FAT4: variants seen among roughly 807,000 people sequenced by gnomAD.
FAT4 encodes the protein protocadherin Fat 4.
FAT4 carries 84 observed loss-of-function variants against 303.9 expected under a neutral mutation model. That is an observed-to-expected ratio of 0.28 (90% CI 0.23 to 0.33). FAT4 has a LOEUF of 0.33. FAT4 is among the 10% of genes least tolerant of loss of function. The pLI is 1.00. For missense variants in FAT4, 6,005 were observed against 6,146.8 expected (o/e 0.98, Z 0.77); for synonymous variants, 2,307 against 2,298.8 (o/e 1.00, Z -0.10).
chr4:125,407,285 T>C, intron 4 of FAT4, 144 bp downstream of exon 4: 1 of 773,758 alleles, frequency 1.3e-6, no homozygotes, highest in Non-Finnish European at 2.0e-6. Flanking sequence ...GATTGTTGGA[T>C]CTTTTCATTA....
At chr4:125,459,295 A>C (rs1726401645) in intron 10 of FAT4, among the ~76,000 whole-genome samples, 1 of 152,040 alleles carries the variant, frequency 6.6e-6, no homozygotes, top group Admixed American at 6.6e-5. Context: ...ATGTGCTTGG[A>C]CAAGTGAAAC....
At chr4:125,441,480 T>C (rs1416515897) in intron 8 of FAT4, among the ~76,000 whole-genome samples, 1 of 152,190 alleles carries the variant, frequency 6.6e-6, no homozygotes, top group African/African-American at 2.4e-5. Flanking sequence ...AAATTCAAAA[T>C]TTCTTTCTGC....
In FAT4 at chr4:125,449,267, C is replaced by T. The variant is rs1402773671; in HGVS notation, c.8257C>T (p.Pro2753Ser). Residue 2753 changes from proline to serine, a missense_variant, in exon 10 of 18, where the codon CCG becomes TCG. Pro to Ser is a moderately conservative substitution (Grantham distance 74). Transcript: ENST00000394329. ...LTIKSSDKGSPSQSTSVKVMI... is the reference protein window; with the variant it reads ...LTIKSSDKGSSSQSTSVKVMI... ...CATAAAATCATCAGACAAAGGGTCC[C>T]CGTCTCAGAGTACTTCAGTAAAAGT... The T allele has an allele frequency of 1.2e-6, 2 of 1,613,820 alleles. No individual in the cohort carries two copies. Among genetic ancestry groups the T allele is most frequent in the Non-Finnish European group, 8.5e-7 (1 of 1,179,870 alleles).
In FAT4 at chr4:125,446,353, C is replaced by T. The variant is rs754063392; in HGVS notation, c.7260C>T (p.Ile2420=). 3 of 1,613,012 alleles carry T rather than the reference C, an allele frequency of 1.9e-6. No individual in the cohort carries two copies. Among genetic ancestry groups the T allele is most frequent in the East Asian group, 4.5e-5 (2 of 44,884 alleles). The part of the protein sequence containing the change: ...FTINPSTGQI[I]TSALLDRETK... ...TCAACCCATCGACAGGACAAATCATCACCAGCGCATTGTTAGATAGGGAAA... is the reference window on the plus strand; with the variant it reads ...TCAACCCATCGACAGGACAAATCATTACCAGCGCATTGTTAGATAGGGAAA... The change falls in exon 9 of 18, where the codon ATC becomes ATT. Residue 2420 remains isoleucine (I), a synonymous_variant. Transcript: ENST00000394329.
chr4:125,396,955 T>G (rs1281050945), intron 2 of FAT4, among the ~76,000 whole-genome samples: 1,065 of 71,794 alleles, frequency 0.015, 15 homozygotes, highest in Middle Eastern at 0.068. Context: ...TATATATATA[T>G]ATATATATAT....
rs919178803 is a variant in FAT4 at position 125,318,029 on chromosome 4, C to A, written c.1618C>A (p.Leu540Met). Residue 540 changes from leucine (L) to methionine (M), a missense_variant, in exon 2 of 18, where the codon CTG becomes ATG. Leu to Met is a conservative substitution (Grantham distance 15, BLOSUM62 2). Transcript: ENST00000394329. ...GLVTTGSSGG[L>M]DRELASQIVL... is the part of the protein sequence containing the mutation. The stretch of plus-strand genomic sequence containing the variant: ...CGTGACCACTGGGTCCTCTGGGGGC[C>A]TGGACCGTGAACTTGCTTCCCAGAT... 19 of 1,614,060 alleles carry A rather than the reference C, an allele frequency of 1.2e-5. No individual in the cohort carries two copies. The highest frequency in any genetic ancestry group is 1.5e-5 in the Non-Finnish European group (18 of 1,180,048).
chr4:125,351,930 A>T (rs1442078714), intron 2 of FAT4, among the ~76,000 whole-genome samples: 2 of 151,860 alleles, frequency 1.3e-5, no homozygotes, highest in East Asian at 3.9e-4. Flanking sequence ...AAGTAGGCAC[A>T]GGATTTAAGG....
intron 9 of FAT4, among the ~76,000 whole-genome samples, chr4:125,448,003 G>A (rs1217467766): frequency 6.6e-6 from 1 of 151,988 alleles, no homozygotes; most frequent in Non-Finnish European, 1.5e-5. Context: ...GATTTTTGTT[G>A]ACAAGATTAC....
intron 2 of FAT4, among the ~76,000 whole-genome samples, chr4:125,387,936 A>G (rs885271): frequency 0.086 from 13,111 of 152,220 alleles, 886 homozygotes; most frequent in East Asian, 0.23. Flanking sequence ...AAGGCCTACA[A>G]AAATTCACTT....
chr4:125,334,758 A>T (rs1015729662), intron 2 of FAT4, among the ~76,000 whole-genome samples: 2 of 152,092 alleles, frequency 1.3e-5, no homozygotes, highest in African/African-American at 4.8e-5. Context: ...TGGTCATAGA[A>T]TTTTCCTCAC....
Position 125,452,734 on chromosome 4 carries a change from G to A in FAT4, c.11724G>A (p.Gln3908=), listed in dbSNP as rs780880494. ...AGAGAGATATCAATGAGTGCCTGCA[G>A]AGTCCTTGCAAGAATGGTGCCATCT... ...ACERDINECL[Q]SPCKNGAICQ... Residue 3908 remains glutamine (Q), a synonymous_variant, in exon 10 of 18, where the codon CAG becomes CAA. Transcript: ENST00000394329. 35 of 1,614,018 alleles carry A rather than the reference G, an allele frequency of 2.2e-5. No individual in the cohort carries two copies. The highest frequency in any genetic ancestry group is 2.8e-5 in the Non-Finnish European group (33 of 1,180,018).
intron 3 of FAT4, among the ~76,000 whole-genome samples, chr4:125,404,152 G>A (rs1305688347): frequency 6.6e-6 from 1 of 152,086 alleles, no homozygotes; most frequent in Admixed American, 6.6e-5. Flanking sequence ...AGACCTGAGA[G>A]TACGTAGGAA....
intron 2 of FAT4, among the ~76,000 whole-genome samples, chr4:125,351,976 C>T (rs1346596037): frequency 6.6e-6 from 1 of 151,592 alleles, no homozygotes; most frequent in Non-Finnish European, 1.5e-5. Context: ...GTTGATGCTA[C>T]CTGTTGAAGC....
At chr4:125,336,989 G>C (rs1731602195) in intron 2 of FAT4, among the ~76,000 whole-genome samples, 1 of 151,912 alleles carries the variant, frequency 6.6e-6, no homozygotes, top group Non-Finnish European at 1.5e-5. Flanking sequence ...TTTTGTAGAT[G>C]GAGTATCAAG....
At chr4:125,337,976 A>G (rs1578535962) in intron 2 of FAT4, among the ~76,000 whole-genome samples, 2 of 152,114 alleles carry the variant, frequency 1.3e-5, no homozygotes, top group African/African-American at 4.8e-5. Flanking sequence ...TGCACCCATG[A>G]TACTCACCCA....
In FAT4 at chr4:125,489,896, C is replaced by A; in HGVS notation, c.13085-5C>A. On this transcript the variant is annotated splice_polypyrimidine_tract_variant and splice_region_variant and intron_variant, in intron 17 of 17. Transcript: ENST00000394329. ...AAAAAGCCTTACTCCTTCTTCTTCTCCCAGCAGGTTTTGATGGCTGCATTG... is the reference window on the plus strand; with the variant it reads ...AAAAAGCCTTACTCCTTCTTCTTCTACCAGCAGGTTTTGATGGCTGCATTG... 1.1e-6 allele frequency: 1 copy of A among 887,202 alleles called. No homozygotes were observed. The highest frequency in any genetic ancestry group is 2.2e-5 in the South Asian group (1 of 46,340). The allele number at this position is 887,202 out of a possible 1,614,324, so 55.0% of individuals were successfully genotyped here.
At position 125,451,246 on chromosome 4, in the gene FAT4, T is replaced by C; in HGVS notation, c.10236T>C (p.Ser3412=). The stretch of plus-strand genomic sequence containing the variant: ...CCATTTTTACTCTAAACATCTACAG[T>C]GTGCAGATCAGTGAAGGGGTCCCAA... ...DPPIFTLNIY[S]VQISEGVPIG... The change falls in exon 10 of 18, where the codon AGT becomes AGC. Residue 3412 remains serine (S), a synonymous_variant. Transcript: ENST00000394329. 6.2e-7 allele frequency: 1 copy of C among 1,614,084 alleles called. No individual in the cohort carries two copies. Among genetic ancestry groups the C allele is most frequent in the East Asian group, 2.2e-5 (1 of 44,848 alleles).
chr4:125,379,588 T>C (rs1733461923), intron 2 of FAT4, among the ~76,000 whole-genome samples: 1 of 152,082 alleles, frequency 6.6e-6, no homozygotes, highest in Non-Finnish European at 1.5e-5. Context: ...GACTACCCAG[T>C]AGCTGGGATT....
At position 125,416,469 on chromosome 4, in the gene FAT4, C is replaced by T; in HGVS notation, c.6865C>T (p.Arg2289Ter). 1 of 1,613,132 alleles carries T rather than the reference C, an allele frequency of 6.2e-7. No homozygotes were observed. The highest frequency in any genetic ancestry group is 2.2e-5 in the East Asian group (1 of 44,838). The change falls in exon 7 of 18, where the codon CGA (arginine) becomes TGA (stop). Residue 2289 changes from arginine (R) to a stop codon, truncating the protein, a stop_gained. Transcript: ENST00000394329. LOFTEE classifies it high-confidence loss of function. ...ILQVVARDDD[R>*]GSNSKLSYVL... ...ACAGGTGGTGGCAAGAGATGATGAT[C>T]GAGGATCTAACAGCAAACTCTCATA...
Sources: allele counts gnomAD v4.1 joint callset (sites outside exome capture counted in the v4.1 genomes callset), GRCh38; gene constraint gnomAD v4.1.1; transcripts MANE v1.5; gene names NCBI Gene and HGNC (gene_info 2026-07-23, HGNC 2026-07-21).